Variants in MECOM observed in about 807,000 individuals in gnomAD.
MECOM encodes histone-lysine N-methyltransferase MECOM.
MECOM carries 13 observed loss-of-function variants against 116.3 expected under a neutral mutation model. The ratio of observed to expected loss-of-function variants is 0.11; its 90% CI spans 0.07 to 0.18. The LOEUF (loss-of-function observed/expected upper bound fraction) is 0.18, where lower values mean the gene tolerates loss of function less well. Ranked by LOEUF, MECOM falls within the 10% of genes least tolerant of loss-of-function variation. The probability of loss-of-function intolerance (pLI) is 1.00; values close to 1 mark genes in which losing one functional copy is unlikely to be tolerated. For synonymous variants in MECOM, 528 were observed against 535.2 expected, an observed-to-expected ratio of 0.99 and a Z score of 0.19; for missense variants, 1,299 against 1,509.0, an observed-to-expected ratio of 0.86 and a Z score of 2.31.
chr3:169,177,699 C>G (rs977101026), intron 2 of MECOM, among the ~76,000 whole-genome samples: 1 of 151,908 alleles, frequency 6.6e-6, no homozygotes, highest in African/African-American at 2.4e-5. Flanking sequence ...GGCAGATTAC[C>G]TTAGGTCAGG....
intron 2 of MECOM, among the ~76,000 whole-genome samples, chr3:169,320,672 G>A (rs571908612): frequency 2.0e-4 from 31 of 152,240 alleles, no homozygotes; most frequent in Non-Finnish European, 4.1e-4. Flanking sequence ...TTCAATAGGG[G>A]ACAAGTGTAT....
intron 1 of MECOM, among the ~76,000 whole-genome samples, chr3:169,543,317 G>A (rs1045930897): frequency 6.6e-6 from 1 of 152,182 alleles, no homozygotes; most frequent in Admixed American, 6.5e-5. Flanking sequence ...GCTCATGTCT[G>A]CAGTTCCAGC....
chr3:169,437,971 A>G (rs568786040), intron 1 of MECOM, among the ~76,000 whole-genome samples: 1 of 152,364 alleles, frequency 6.6e-6, no homozygotes, highest in East Asian at 1.9e-4. Flanking sequence ...CGACACAACC[A>G]TGAGCCAAAC....
intron 1 of MECOM, among the ~76,000 whole-genome samples, chr3:169,412,799 C>A (rs887438687): frequency 6.6e-6 from 1 of 151,912 alleles, no homozygotes; most frequent in Non-Finnish European, 1.5e-5. Flanking sequence ...GACTATAAAC[C>A]AACCACTGGC....
intron 1 of MECOM, among the ~76,000 whole-genome samples, chr3:169,618,417 G>A (rs1770279691): frequency 6.6e-6 from 1 of 152,172 alleles, no homozygotes; most frequent in African/African-American, 2.4e-5. Context: ...AGCACTTTGG[G>A]AGGCTATGGT....
rs746249601 is a variant in MECOM, at chr3:169,112,824, T to A, written c.2540A>T (p.Tyr847Phe). The A allele has an allele frequency of 3.1e-6, 5 of 1,613,228 alleles. No individual in the cohort carries two copies. The highest frequency in any genetic ancestry group is 4.2e-6 in the Non-Finnish European group (5 of 1,179,452). Residue 847 changes from tyrosine to phenylalanine, a missense_variant, in exon 9 of 17, where the codon TAC (tyrosine) becomes TTC (phenylalanine). Transcript: ENST00000651503. ...CAAGAATCCTGGAGAAGGCCTCAAG[T>A]ATTTCTCTTTTAAAGCTTCAAGTGG... ...TDPLEALKEKYLRPSPGFLFH... is the reference protein window; with the variant it reads ...TDPLEALKEKFLRPSPGFLFH...
chr3:169,620,751 T>C (rs1770612310), intron 1 of MECOM, among the ~76,000 whole-genome samples: 1 of 152,228 alleles, frequency 6.6e-6, no homozygotes, highest in Non-Finnish European at 1.5e-5. Flanking sequence ...GGTCCAGGCC[T>C]CTGACACCGC....
intron 13 of MECOM, among the ~76,000 whole-genome samples, chr3:169,094,111 T>C (rs1161787636): frequency 6.6e-6 from 1 of 152,204 alleles, no homozygotes; most frequent in Non-Finnish European, 1.5e-5. Context: ...GATCATTAAA[T>C]TGCTGACTTT....
intron 1 of MECOM, among the ~76,000 whole-genome samples, chr3:169,446,509 C>T (rs757262093): frequency 8.5e-5 from 13 of 152,054 alleles, no homozygotes; most frequent in Admixed American, 3.3e-4. Context: ...AGCATAAAAC[C>T]GAACTAATAC....
intron 2 of MECOM, among the ~76,000 whole-genome samples, chr3:169,256,613 T>C (rs1191627815): frequency 6.6e-6 from 1 of 152,204 alleles, no homozygotes. Context: ...GGGCAAAAGA[T>C]GGAGTTAGTC....
chr3:169,360,169 C>T (rs754216389), intron 2 of MECOM, among the ~76,000 whole-genome samples: 6 of 151,150 alleles, frequency 4.0e-5, no homozygotes, highest in Non-Finnish European at 8.9e-5. Flanking sequence ...GTGAGTTGGG[C>T]AGTTTGCCCT....
chr3:169,661,298 C>T (rs1478007554), intron 1 of MECOM, among the ~76,000 whole-genome samples: 2 of 150,698 alleles, frequency 1.3e-5, no homozygotes, highest in Admixed American at 1.3e-4. Context: ...ATCCCACTCC[C>T]GCCAACTCCC....
chr3:169,388,929 CA>C (rs1256118125), intron 1 of MECOM, among the ~76,000 whole-genome samples: 3 of 152,096 alleles, frequency 2.0e-5, no homozygotes, highest in African/African-American at 7.2e-5. Context: ...TACGAGTTGT[CA>C]AAAAGACTCA....
At chr3:169,656,188 G>A (rs1279053534) in intron 1 of MECOM, among the ~76,000 whole-genome samples, 1 of 152,210 alleles carries the variant, frequency 6.6e-6, no homozygotes, top group Non-Finnish European at 1.5e-5. Context: ...GTCATCATTT[G>A]AACAACCTTG....
At chr3:169,404,648 C>G (rs1411833921) in intron 1 of MECOM, among the ~76,000 whole-genome samples, 1 of 152,208 alleles carries the variant, frequency 6.6e-6, no homozygotes, top group East Asian at 1.9e-4. Flanking sequence ...TCCACCCCTC[C>G]CACTGCCAGG....
At chr3:169,357,145 T>C (rs925215355) in intron 2 of MECOM, among the ~76,000 whole-genome samples, 4 of 151,874 alleles carry the variant, frequency 2.6e-5, no homozygotes, top group African/African-American at 9.7e-5. Context: ...CCACTAGTAA[T>C]CATTAAATAG....
chr3:169,589,680 A>G (rs1376231819), intron 1 of MECOM, among the ~76,000 whole-genome samples: 1 of 152,114 alleles, frequency 6.6e-6, no homozygotes, highest in Non-Finnish European at 1.5e-5. Context: ...GCTAGTCCAT[A>G]CAGCAAGCTC....
chr3:169,432,337 T>C (rs1403387710), intron 1 of MECOM, among the ~76,000 whole-genome samples: 1 of 152,160 alleles, frequency 6.6e-6, no homozygotes, highest in Non-Finnish European at 1.5e-5. Flanking sequence ...TTTGTATTTT[T>C]GGTAGAGACA....
intron 2 of MECOM, among the ~76,000 whole-genome samples, chr3:169,257,521 A>T (rs1356647275): frequency 2.6e-5 from 4 of 152,190 alleles, no homozygotes; most frequent in African/African-American, 9.6e-5. Flanking sequence ...GACTGAGGCT[A>T]GTCACCTATT....
Sources: gnomAD v4.1 joint callset for allele counts (sites outside exome capture counted in the v4.1 genomes callset) on GRCh38, gnomAD v4.1.1 for gene constraint, MANE v1.5 for transcripts, NCBI Gene and HGNC (gene_info 2026-07-23, HGNC 2026-07-21) for gene names.